CNTN5: variants seen among roughly 807,000 people sequenced by gnomAD.
The protein encoded by CNTN5 is contactin 5, also known as contactin-5.
A neutral mutation model predicts 129.1 loss-of-function variants in CNTN5; 77 were observed. The observed-to-expected ratio is 0.60, with a 90% CI of 0.50 to 0.72. The LOEUF (loss-of-function observed/expected upper bound fraction) is 0.72, where lower values mean the gene tolerates loss of function less well. Ranked by LOEUF, CNTN5 falls within the 30% of genes least tolerant of loss-of-function variation. The pLI, the probability that CNTN5 is intolerant of heterozygous loss-of-function variation, is 0.00. For synonymous variants in CNTN5, 509 were observed against 465.6 expected, an observed-to-expected ratio of 1.09 and a Z score of -1.20; for missense variants, 1,478 against 1,328.8, an observed-to-expected ratio of 1.11 and a Z score of -1.75.
At chr11:99,704,354 TTTTAA>T (rs909027889) in intron 3 of CNTN5, among the ~76,000 whole-genome samples, 3 of 151,074 alleles carry the variant, frequency 2.0e-5, no homozygotes, top group Non-Finnish European at 3.0e-5. Flanking sequence ...CCATGTTGAC[TTTTAA>T]TTTTTTTCTT....
At chr11:100,096,013 G>A (rs1217850706) in intron 13 of CNTN5, among the ~76,000 whole-genome samples, 1 of 151,984 alleles carries the variant, frequency 6.6e-6, no homozygotes, top group Non-Finnish European at 1.5e-5. Context: ...GCAGAATTAG[G>A]ATTAATTATT....
At chr11:99,335,156 T>G (rs11219445) in intron 2 of CNTN5, among the ~76,000 whole-genome samples, 7,909 of 152,192 alleles carry the variant, frequency 0.052, 661 homozygotes, top group African/African-American at 0.18. Context: ...GTTCTATGAT[T>G]GATTCTCACA....
intron 2 of CNTN5, among the ~76,000 whole-genome samples, chr11:99,355,985 C>A (rs1938634555): frequency 6.6e-6 from 1 of 151,898 alleles, no homozygotes. Context: ...CACCACCACA[C>A]CCAGCTAATT....
chr11:99,045,555 C>CTT (rs1021550858), intron 1 of CNTN5, among the ~76,000 whole-genome samples: 3 of 152,158 alleles, frequency 2.0e-5, no homozygotes, highest in African/African-American at 7.2e-5. Flanking sequence ...AAAGATTTTA[C>CTT]TTTAGCTTTC....
intron 4 of CNTN5, among the ~76,000 whole-genome samples, chr11:99,840,714 T>C (rs1163314062): frequency 6.6e-6 from 1 of 152,132 alleles, no homozygotes; most frequent in African/African-American, 2.4e-5. Context: ...CACAAATGTG[T>C]CGAAGGCTTC....
intron 2 of CNTN5, among the ~76,000 whole-genome samples, chr11:99,370,668 T>C (rs539301341): frequency 2.0e-5 from 3 of 152,252 alleles, no homozygotes; most frequent in Non-Finnish European, 2.9e-5. Context: ...ATTACAGAAA[T>C]GGAATAGATA....
intron 3 of CNTN5, among the ~76,000 whole-genome samples, chr11:99,737,709 A>G (rs1943756567): frequency 3.3e-5 from 5 of 152,140 alleles, no homozygotes; most frequent in Admixed American, 3.3e-4. Flanking sequence ...CAAACTTCCC[A>G]TTTCACACAA....
At chr11:99,651,336 G>A (rs1415973428) in intron 3 of CNTN5, among the ~76,000 whole-genome samples, 2 of 151,724 alleles carry the variant, frequency 1.3e-5, no homozygotes, top group African/African-American at 2.4e-5. Context: ...GGGGAAAGAA[G>A]TTAAAATATA....
intron 2 of CNTN5, among the ~76,000 whole-genome samples, chr11:99,545,895 C>T (rs1386145966): frequency 1.3e-5 from 2 of 152,186 alleles, no homozygotes; most frequent in East Asian, 3.8e-4. Flanking sequence ...AGGGCTTCAT[C>T]TCCTAAGTCG....
chr11:100,108,135 C>T (rs1328473314), intron 13 of CNTN5, among the ~76,000 whole-genome samples: 3 of 151,706 alleles, frequency 2.0e-5, no homozygotes, highest in Admixed American at 2.0e-4. Flanking sequence ...GTGCAAATCC[C>T]AGAAGGCCAA....
chr11:99,752,062 G>GA (rs5794018), intron 3 of CNTN5, among the ~76,000 whole-genome samples: 67,904 of 149,278 alleles, frequency 0.45, 15,487 homozygotes, highest in East Asian at 0.66. Context: ...AGAACTGTAA[G>GA]AAAAAAAAAA....
chr11:99,733,077 G>A (rs1301965380), intron 3 of CNTN5, among the ~76,000 whole-genome samples: 2 of 152,072 alleles, frequency 1.3e-5, no homozygotes, highest in Non-Finnish European at 2.9e-5. Context: ...TGTCATCCCT[G>A]CATTTTGGGA....
intron 2 of CNTN5, among the ~76,000 whole-genome samples, chr11:99,378,297 T>G (rs549352122): frequency 6.6e-6 from 1 of 152,252 alleles, no homozygotes; most frequent in South Asian, 2.1e-4. Context: ...TTCTTCTTAC[T>G]TAGACATTCA....
intron 13 of CNTN5, among the ~76,000 whole-genome samples, chr11:100,145,261 T>C (rs1377791211): frequency 2.6e-5 from 4 of 152,158 alleles, no homozygotes; most frequent in African/African-American, 9.6e-5. Context: ...TTAGCTACTG[T>C]CGTTACCATT....
chr11:99,197,949 T>C (rs1462139845), intron 1 of CNTN5, among the ~76,000 whole-genome samples: 3 of 152,112 alleles, frequency 2.0e-5, no homozygotes, highest in Non-Finnish European at 2.9e-5. Flanking sequence ...TCCAGTTGTG[T>C]CCAGACAGAC....
intron 6 of CNTN5, among the ~76,000 whole-genome samples, chr11:99,875,561 G>C (rs1336185140): frequency 6.6e-6 from 1 of 151,964 alleles, no homozygotes; most frequent in Admixed American, 6.6e-5. Context: ...TCGTAGTTCT[G>C]TGTGCACTGT....
At chr11:100,271,475 A>C (rs1480786584) in intron 18 of CNTN5, among the ~76,000 whole-genome samples, 1 of 152,050 alleles carries the variant, frequency 6.6e-6, no homozygotes, top group East Asian at 1.9e-4. Context: ...TTTTCTCCCA[A>C]TCCTTGTACT....
chr11:99,049,931 A>C (rs572460463), intron 1 of CNTN5: 1 of 152,324 alleles, frequency 6.6e-6, no homozygotes, highest in South Asian at 2.1e-4. Context: ...AGGAAAGAAT[A>C]AAGTCTTGCT....
intron 13 of CNTN5, among the ~76,000 whole-genome samples, chr11:100,095,566 A>G (rs998820514): frequency 6.6e-6 from 1 of 152,090 alleles, no homozygotes; most frequent in Non-Finnish European, 1.5e-5. Flanking sequence ...GTTAGTTACC[A>G]ATTTGTCTCT....
Sources: gnomAD v4.1 joint callset for allele counts (sites outside exome capture counted in the v4.1 genomes callset) on GRCh38, gnomAD v4.1.1 for gene constraint, MANE v1.5 for transcripts, NCBI Gene and HGNC (gene_info 2026-07-23, HGNC 2026-07-21) for gene names.